CLYBL: variants seen among roughly 807,000 people sequenced by gnomAD.
CLYBL encodes the protein citramalyl-CoA lyase, also known as citramalyl-CoA lyase, mitochondrial.
Under a neutral mutation model 38.9 loss-of-function variants are expected in CLYBL, and 31 were observed. The ratio of observed to expected loss-of-function variants is 0.80; its 90% CI spans 0.60 to 1.08. The LOEUF (loss-of-function observed/expected upper bound fraction) is 1.08, where lower values mean the gene tolerates loss of function less well. Among genes scored for constraint, CLYBL ranks in the 50% least tolerant of loss-of-function variants. The probability of loss-of-function intolerance (pLI) is 0.00; values close to 1 mark genes in which losing one functional copy is unlikely to be tolerated. For synonymous variants in CLYBL, 171 were observed against 158.6 expected (o/e 1.08, Z -0.59); for missense variants, 434 against 411.6 (o/e 1.05, Z -0.47).
At chr13:99,608,696 G>C (rs147128591) in intron 1 of CLYBL, among the ~76,000 whole-genome samples, 2 of 152,024 alleles carry the variant, frequency 1.3e-5, no homozygotes, top group Admixed American at 1.3e-4. Flanking sequence ...GTCTGTTCTC[G>C]ACATGTCTAC....
At chr13:99,893,116 C>T (rs1246979377), downstream of CLYBL, 4 of 152,338 alleles carry the variant, frequency 2.6e-5, no homozygotes, top group African/African-American at 9.6e-5. Context: ...CCACCCTCCA[C>T]ACTGGCCACG....
intron 1 of CLYBL, among the ~76,000 whole-genome samples, chr13:99,624,149 G>A (rs2139212740): frequency 6.6e-6 from 1 of 152,070 alleles, no homozygotes; most frequent in Middle Eastern, 3.4e-3. Flanking sequence ...CTCCCTCAGA[G>A]CACCCCGTTC....
At chr13:99,716,940 T>C (rs181701041) in intron 1 of CLYBL, among the ~76,000 whole-genome samples, 2 of 151,106 alleles carry the variant, frequency 1.3e-5, no homozygotes, top group African/African-American at 4.8e-5. Flanking sequence ...TACAGGCATG[T>C]GCCACCACGT....
intron 1 of CLYBL, among the ~76,000 whole-genome samples, chr13:99,651,932 G>GA (rs749778581): frequency 1.3e-5 from 1 of 75,894 alleles, no homozygotes; most frequent in Non-Finnish European, 2.2e-5. Context: ...ACTCCATCTT[G>GA]GGGGGAAAAA....
intron 2 of CLYBL, among the ~76,000 whole-genome samples, chr13:99,776,163 C>CA (rs35654270): frequency 9.3e-4 from 51 of 54,716 alleles, no homozygotes; most frequent in East Asian, 1.3e-3. Context: ...GACTCCATCT[C>CA]AAAAAAAAAA....
chr13:99,719,168 T>A (rs1055829509), intron 1 of CLYBL, among the ~76,000 whole-genome samples: 2 of 147,858 alleles, frequency 1.4e-5, no homozygotes, highest in African/African-American at 5.0e-5. Context: ...TTTTTTTTTT[T>A]TAAGACAGGG....
chr13:99,878,201 T>A (rs1456571768), intron 7 of CLYBL, among the ~76,000 whole-genome samples: 1 of 152,194 alleles, frequency 6.6e-6, no homozygotes, highest in African/African-American at 2.4e-5. Context: ...TCTAGAAAAA[T>A]TGAAAGAAGA....
chr13:99,625,824 C>T (rs1397135367), intron 1 of CLYBL, among the ~76,000 whole-genome samples: 2 of 152,174 alleles, frequency 1.3e-5, no homozygotes, highest in Admixed American at 6.5e-5. Context: ...TCCCAGGCTC[C>T]GAGCATTACT....
intron 2 of CLYBL, among the ~76,000 whole-genome samples, chr13:99,832,590 A>G (rs1470428170): frequency 1.3e-5 from 2 of 152,176 alleles, no homozygotes; most frequent in African/African-American, 4.8e-5. Flanking sequence ...AAACACCCTG[A>G]AAAGGACTTT....
chr13:99,816,638 C>T (rs1238949303), intron 2 of CLYBL, among the ~76,000 whole-genome samples: 2 of 152,204 alleles, frequency 1.3e-5, no homozygotes, highest in Non-Finnish European at 2.9e-5. Context: ...GAAAGAGGCT[C>T]CTCAGAGCTC....
At chr13:99,900,252 G>A (rs377235590), downstream of CLYBL, among the ~76,000 whole-genome samples, 4 of 152,212 alleles carry the variant, frequency 2.6e-5, no homozygotes, top group South Asian at 8.3e-4. Context: ...ATTACTAGAT[G>A]AAGTATATGC....
intron 1 of CLYBL, among the ~76,000 whole-genome samples, chr13:99,716,208 A>G (rs1277241650): frequency 7.6e-5 from 1 of 13,112 alleles, no homozygotes; most frequent in African/African-American, 1.7e-4. Flanking sequence ...TTTTTTTTTT[A>G]GAGACAAGGT....
chr13:99,643,223 C>T (rs913594364), intron 1 of CLYBL: 1 of 152,732 alleles, frequency 6.5e-6, no homozygotes, highest in Non-Finnish European at 1.5e-5. Context: ...AATGCCTGTT[C>T]TCATGACCAG....
chr13:99,841,204 A>G (rs1249315813), intron 2 of CLYBL, among the ~76,000 whole-genome samples: 1 of 152,142 alleles, frequency 6.6e-6, no homozygotes, highest in Non-Finnish European at 1.5e-5. Flanking sequence ...GAATTCAGCA[A>G]CCTGAAGAGC....
intron 1 of CLYBL, among the ~76,000 whole-genome samples, chr13:99,762,066 TTTC>T (rs1291876638): frequency 6.6e-6 from 1 of 152,234 alleles, no homozygotes; most frequent in Non-Finnish European, 1.5e-5. Flanking sequence ...TGGTTATTAA[TTTC>T]TTGTCAGATG....
chr13:99,731,187 T>C lies in CLYBL; in HGVS notation c.63-41637T>C, dbSNP rs141632038. Among the ~76,000 whole-genome samples, 44 of 151,692 alleles carry C rather than the reference T, an allele frequency of 2.9e-4. No homozygotes were observed. In the East Asian group the frequency reaches 7.6e-3, roughly 26 times the overall value. The stretch of plus-strand genomic sequence containing the variant: ...TAGACCAGATTTCGGCAGATTGCAC[T>C]GTATAAAGAAAAATAAACATGGACA... On this transcript the variant is annotated intron_variant, in intron 1 of 8. Coordinates refer to ENST00000339105, the MANE Select transcript of CLYBL (RefSeq NM_206808.5).
At chr13:99,773,393 C>T (rs142868103) in intron 2 of CLYBL, among the ~76,000 whole-genome samples, 25 of 152,134 alleles carry the variant, frequency 1.6e-4, no homozygotes, top group African/African-American at 7.2e-5. Flanking sequence ...TGGGCCAGAA[C>T]CCAGGAGATG....
chr13:99,904,329 A>C (rs1594257968), intron 8 of CLYBL, among the ~76,000 whole-genome samples: 1 of 152,242 alleles, frequency 6.6e-6, no homozygotes, highest in East Asian at 1.9e-4. Flanking sequence ...TTCCATTTGC[A>C]GTCAAAGGGA....
intron 1 of CLYBL, among the ~76,000 whole-genome samples, chr13:99,614,604 G>A (rs994993495): frequency 1.3e-5 from 2 of 152,112 alleles, no homozygotes; most frequent in South Asian, 2.1e-4. Flanking sequence ...CAACTCAGCT[G>A]TGCCGTGCCT....
Sources: gnomAD v4.1 joint callset for allele counts (sites outside exome capture counted in the v4.1 genomes callset) on GRCh38, gnomAD v4.1.1 for gene constraint, MANE v1.5 for transcripts, NCBI Gene and HGNC (gene_info 2026-07-23, HGNC 2026-07-21) for gene names.